Variants in CDK14 observed in about 807,000 individuals in gnomAD.
The protein encoded by CDK14 is cyclin dependent kinase 14.
CDK14 carries 34 observed loss-of-function variants against 60.7 expected under a neutral mutation model. That is an observed-to-expected ratio of 0.56 (90% CI 0.43 to 0.75). CDK14 has a LOEUF of 0.75. Among genes scored for constraint, CDK14 ranks in the 30% least tolerant of loss-of-function variants. CDK14 has a pLI of 0.00. For missense variants in CDK14, 482 were observed against 564.1 expected, an observed-to-expected ratio of 0.85 and a Z score of 1.47; for synonymous variants, 197 against 203.7, an observed-to-expected ratio of 0.97 and a Z score of 0.28.
intron 14 of CDK14, among the ~76,000 whole-genome samples, chr7:91,192,646 A>G (rs1464000): frequency 0.46 from 69,406 of 152,024 alleles, 18,111 homozygotes; most frequent in Middle Eastern, 0.6. Flanking sequence ...TCTCACAATA[A>G]TTTTTATTTT....
Position 90,955,487 on chromosome 7 carries a change from A to G in CDK14, c.827-210A>G, listed in dbSNP as rs1794384271. ...AGATTCATGACATCAGTGCTTTATT[A>G]GGAAATAGAAATGTTTTAATGGTTA... On this transcript the variant is annotated intron_variant, in intron 8 of 14. Transcript: ENST00000380050. 2.6e-5 allele frequency among the ~76,000 whole-genome samples: 4 copies of G among 152,210 alleles called. No homozygotes were observed. The South Asian group carries it at 8.3e-4, about 32-fold the overall frequency.
chr7:91,112,853 G>GGAGA (rs56973703), intron 13 of CDK14, among the ~76,000 whole-genome samples, 172 bp downstream of exon 13: 20,449 of 148,424 alleles, frequency 0.14, 2,078 homozygotes, highest in East Asian at 0.58. Flanking sequence ...GTGTATGTGT[G>GGAGA]GAGAGAGAGA....
At chr7:90,959,635 T>C (rs1794539001) in intron 9 of CDK14, among the ~76,000 whole-genome samples, 1 of 152,128 alleles carries the variant, frequency 6.6e-6, no homozygotes, top group Non-Finnish European at 1.5e-5. Flanking sequence ...TAATGATCCC[T>C]ATACAGTGTT....
intron 14 of CDK14, among the ~76,000 whole-genome samples, chr7:91,168,166 G>T (rs1801405309): frequency 6.6e-6 from 1 of 151,624 alleles, no homozygotes; most frequent in African/African-American, 2.4e-5. Flanking sequence ...GGATACTGAG[G>T]CAGGAGAATT....
intron 1 of CDK14, among the ~76,000 whole-genome samples, chr7:90,598,703 G>GTTTTTTTTTTTTTTTT (rs1563010964): frequency 1.1e-4 from 2 of 18,630 alleles, no homozygotes; most frequent in African/African-American, 2.2e-4. Flanking sequence ...ATTATCTAAG[G>GTTTTTTTTTTTTTTTT]ATTTTTTTTT....
At chr7:91,205,845 G>A (rs1291967629) in intron 14 of CDK14, among the ~76,000 whole-genome samples, 1 of 151,652 alleles carries the variant, frequency 6.6e-6, no homozygotes, top group Non-Finnish European at 1.5e-5. Context: ...GCCCAGGCTG[G>A]GGTGCCGTGG....
At chr7:90,950,865 A>G (rs1410611742) in intron 8 of CDK14, among the ~76,000 whole-genome samples, 1 of 152,182 alleles carries the variant, frequency 6.6e-6, no homozygotes, top group Admixed American at 6.5e-5. Flanking sequence ...AGTAGAGAGA[A>G]AAGATTAAAG....
At chr7:91,179,797 C>T (rs4607536) in intron 14 of CDK14, among the ~76,000 whole-genome samples, 3 of 149,888 alleles carry the variant, frequency 2.0e-5, no homozygotes, top group Non-Finnish European at 3.0e-5. Flanking sequence ...AGCGAGACTC[C>T]GTCTCAAAAA....
chr7:90,883,670 G>A (rs756454504), intron 6 of CDK14, among the ~76,000 whole-genome samples: 20 of 152,190 alleles, frequency 1.3e-4, no homozygotes, highest in African/African-American at 2.4e-4. Context: ...CCTGATGAAC[G>A]TCAGTGCAAA....
At chr7:91,013,656 G>GGTTTTTTTTTTTT in intron 10 of CDK14, among the ~76,000 whole-genome samples, 1 of 123,380 alleles carries the variant, frequency 8.1e-6, no homozygotes, top group South Asian at 2.5e-4. Context: ...CATTGCCTCT[G>GGTTTTTTTTTTTT]TTTTTTTTTT....
chr7:90,747,663 C>A lies in CDK14; in HGVS notation c.370-18C>A. 2 of 1,462,304 alleles carry A rather than the reference C, an allele frequency of 1.4e-6. No individual in the cohort carries two copies. The highest frequency in any genetic ancestry group is 1.2e-5 in the South Asian group (1 of 81,308). 90.6% of individuals were successfully genotyped at this position (1,462,304 alleles called of 1,614,324 possible). On this transcript the variant is annotated intron_variant, in intron 3 of 14. Transcript: ENST00000380050. ...ATTTGATACAATCTGTTTTGTTTAC[C>A]CTGTGCTTCATTTTTAGCCAACAAG... is the stretch of plus-strand genomic sequence containing the variant.
rs1311189243 is a variant in CDK14 at position 90,922,368 on chromosome 7, C to T, written c.826+4644C>T. Among the ~76,000 whole-genome samples, 4 of 151,932 alleles carry T rather than the reference C, an allele frequency of 2.6e-5. 1 individual carries two copies. Among genetic ancestry groups the T allele is most frequent in the Admixed American group, 2.6e-4 (4 of 15,252 alleles). ...TTTAGGCAGTTGCTTTCATGTAGAT[C>T]TGAAAGCAAAGAATGTATTTAGAAT... On this transcript the variant is annotated intron_variant, in intron 8 of 14. Transcript: ENST00000380050.
chr7:90,668,587 T>A (rs1801030875), intron 2 of CDK14, among the ~76,000 whole-genome samples: 1 of 151,252 alleles, frequency 6.6e-6, no homozygotes, highest in South Asian at 2.1e-4. Context: ...TAATCTGAGA[T>A]CAGATAGATT....
rs772578299 is a variant in CDK14, at chr7:90,710,382, C to T, written c.124-16185C>T. The T allele has an allele frequency of 3.2e-4, 319 of 985,160 alleles. 2 individuals carry two copies. Among genetic ancestry groups the T allele is most frequent in the Admixed American group, 8.6e-4 (14 of 16,232 alleles). The allele number at this position is 985,160 out of a possible 1,614,324, so 61.0% of individuals were successfully genotyped here. A position where few individuals can be genotyped will look rare whatever the true frequency, so the allele number is the denominator to read the frequency against. On this transcript the variant is annotated intron_variant, in intron 2 of 14. Coordinates refer to ENST00000380050, the MANE Select transcript of CDK14 (RefSeq NM_001287135.2). ...CCCTCTGAGTCAAGCAAGTGAAGGACGAGAGACTACTTTTTCCATTTGAGT... is the reference window on the plus strand; with the variant it reads ...CCCTCTGAGTCAAGCAAGTGAAGGATGAGAGACTACTTTTTCCATTTGAGT...
intron 14 of CDK14, among the ~76,000 whole-genome samples, chr7:91,163,178 G>T (rs1230617638): frequency 1.3e-5 from 2 of 152,214 alleles, no homozygotes; most frequent in Non-Finnish European, 2.9e-5. Context: ...GGTGAAAGCA[G>T]CAAAGAAGAT....
At position 90,813,748 on chromosome 7, in the gene CDK14, CA is replaced by C. The variant is rs202226246; in HGVS notation, c.544+23108del. On this transcript the variant is annotated intron_variant, in intron 5 of 14. Transcript: ENST00000380050. Reference sequence around the variant, plus strand: ...TGGGCAACAAAGCGAGACTCTGTCTCAAAAAAAAAAAATGATCTTAATGTAA... The same window carrying C: ...TGGGCAACAAAGCGAGACTCTGTCTCAAAAAAAAAAATGATCTTAATGTAA... Among the ~76,000 whole-genome samples the C allele has an allele frequency of 4.9e-3, 661 of 135,170 alleles. 5 individuals carry two copies. Among genetic ancestry groups the C allele is most frequent in the African/African-American group, 0.014 (523 of 36,710 alleles). 88.7% of individuals were successfully genotyped at this position (135,170 alleles called of 152,430 possible).
chr7:90,612,467 C>G (rs1018266646), intron 2 of CDK14, among the ~76,000 whole-genome samples: 3 of 152,096 alleles, frequency 2.0e-5, no homozygotes, highest in African/African-American at 7.2e-5. Context: ...CAATCTCACT[C>G]TCTCTTATAG....
chr7:91,042,258 G>A (rs977120692), intron 10 of CDK14, among the ~76,000 whole-genome samples: 6 of 152,058 alleles, frequency 3.9e-5, no homozygotes, highest in African/African-American at 9.7e-5. Context: ...CCTTATAACC[G>A]TATACTCTAC....
At chr7:91,159,970 T>C (rs938449026) in intron 14 of CDK14, among the ~76,000 whole-genome samples, 1 of 152,172 alleles carries the variant, frequency 6.6e-6, no homozygotes, top group Non-Finnish European at 1.5e-5. Context: ...TTTCAATGCA[T>C]GAGTGTGATG....
Sources: allele counts gnomAD v4.1 joint callset (sites outside exome capture counted in the v4.1 genomes callset), GRCh38; gene constraint gnomAD v4.1.1; transcripts MANE v1.5; gene names NCBI Gene and HGNC (gene_info 2026-07-23, HGNC 2026-07-21).